FNIP1: variants seen among roughly 807,000 people sequenced by gnomAD.
FNIP1 encodes the protein folliculin-interacting protein 1.
FNIP1 carries 40 observed loss-of-function variants against 124.5 expected under a neutral mutation model. The observed-to-expected ratio is 0.32, with a 90% CI of 0.25 to 0.42. The LOEUF is 0.42. Ranked by LOEUF, FNIP1 falls within the 10% of genes least tolerant of loss-of-function variation. FNIP1 has a pLI of 1.00. For missense variants in FNIP1, 1,176 were observed against 1,403.7 expected (o/e 0.84, Z 2.59); for synonymous variants, 472 against 470.6 (o/e 1.00, Z -0.04).
rs767708577 is a variant in FNIP1, at chr5:131,672,546, A to G, written c.1898T>C (p.Ile633Thr). Residue 633 changes from isoleucine to threonine, a missense_variant, in exon 14 of 18, where the codon ATT (isoleucine) becomes ACT (threonine). Physicochemically the swap from Ile to Thr is moderately conservative, Grantham distance 89. Coordinates refer to ENST00000510461, the MANE Select transcript of FNIP1 (RefSeq NM_133372.3). Reference sequence around the variant, plus strand: ...TAGCAGCTCCTTAGAGCTGTTTTGAATATCTTCTCTCTCTTGTTGTGAAAT... The same window carrying G: ...TAGCAGCTCCTTAGAGCTGTTTTGAGTATCTTCTCTCTCTTGTTGTGAAAT... Reference protein sequence around the residue: ...ENISQQEREDIQNSSKELLGI... With the variant: ...ENISQQEREDTQNSSKELLGI... The G allele has an allele frequency of 2.5e-6, 4 of 1,613,962 alleles. No individual in the cohort carries two copies. Among genetic ancestry groups the G allele is most frequent in the Admixed American group, 3.3e-5 (2 of 60,012 alleles).
In FNIP1 at chr5:131,777,489, T is replaced by C. The variant is rs779094866; in HGVS notation, c.92+19341A>G. ...CTACTAAGGTAATGTGAGAAGAAAATAGGTGCCCATCTAAAAGGGTCCCAA... is the reference window on the plus strand; with the variant it reads ...CTACTAAGGTAATGTGAGAAGAAAACAGGTGCCCATCTAAAAGGGTCCCAA... On this transcript the variant is annotated intron_variant, in intron 1 of 17. Coordinates refer to ENST00000510461, the MANE Select transcript of FNIP1 (RefSeq NM_133372.3). Among the ~76,000 whole-genome samples, 210 of 151,642 alleles carry C rather than the reference T, an allele frequency of 1.4e-3. 3 individuals carry two copies. Among genetic ancestry groups the C allele is most frequent in the Non-Finnish European group, 7.4e-4 (50 of 67,956 alleles).
At chr5:131,668,791 T>C (rs1767670911) in intron 15 of FNIP1, among the ~76,000 whole-genome samples, 1 of 152,236 alleles carries the variant, frequency 6.6e-6, no homozygotes. Context: ...GGCATGAACA[T>C]AGCCAGAAGC....
At position 131,672,291 on chromosome 5, in the gene FNIP1, G is replaced by C; in HGVS notation, c.2153C>G (p.Thr718Arg). ...TCCTGTGGATCTCATTGCTTTGCCT[G>C]TGTGACTGTCTGAATCCAGCAACTT... is the stretch of plus-strand genomic sequence containing the variant. ...SEKLLDSDSH[T>R]GKAMRSTGMV... The change falls in exon 14 of 18, where the codon ACA (threonine) becomes AGA (arginine). Residue 718 changes from threonine (T) to arginine (R), a missense_variant. Coordinates refer to ENST00000510461, the MANE Select transcript of FNIP1 (RefSeq NM_133372.3). 1 of 1,614,144 alleles carries C rather than the reference G, an allele frequency of 6.2e-7. No homozygotes were observed.
intron 1 of FNIP1, among the ~76,000 whole-genome samples, chr5:131,751,115 T>C (rs958153343): frequency 2.0e-5 from 3 of 152,128 alleles, no homozygotes; most frequent in African/African-American, 7.2e-5. Context: ...AGATCTGCCT[T>C]TCCAGACTCT....
intron 2 of FNIP1, 89 bp from the exon 3 acceptor site, chr5:131,731,127 AAG>A: frequency 8.0e-7 from 1 of 1,252,980 alleles, no homozygotes; most frequent in Non-Finnish European, 1.1e-6. Context: ...TGGAAAAACC[AAG>A]AATGAAATAA....
At chr5:131,650,725 C>A (rs773517006) in intron 16 of FNIP1, among the ~76,000 whole-genome samples, 2 of 152,158 alleles carry the variant, frequency 1.3e-5, no homozygotes, top group Non-Finnish European at 2.9e-5. Context: ...CAGTCTTCCA[C>A]CACTTAGTGT....
chr5:131,731,795 T>C (rs534689587), intron 2 of FNIP1, among the ~76,000 whole-genome samples: 4 of 152,302 alleles, frequency 2.6e-5, no homozygotes, highest in African/African-American at 7.2e-5. Flanking sequence ...TAAAAAATAC[T>C]TATTCATTCA....
chr5:131,734,264 T>C (rs2149552683), intron 2 of FNIP1, among the ~76,000 whole-genome samples: 1 of 152,340 alleles, frequency 6.6e-6, no homozygotes, highest in Non-Finnish European at 1.5e-5. Flanking sequence ...TGTTGATCTT[T>C]TCAAAAAACC....
At chr5:131,743,028 A>G (rs1295877827) in intron 2 of FNIP1, among the ~76,000 whole-genome samples, 1 of 152,204 alleles carries the variant, frequency 6.6e-6, no homozygotes, top group African/African-American at 2.4e-5. Context: ...TTCCCAGTCT[A>G]GTAACAAATA....
chr5:131,678,898 T>C (rs1767989276), intron 12 of FNIP1, 131 bp downstream of exon 12: 1 of 649,372 alleles, frequency 1.5e-6, no homozygotes, highest in Non-Finnish European at 2.5e-6. Flanking sequence ...ATTTAATTAT[T>C]TTTTAGAATT....
At position 131,706,529 on chromosome 5, in the gene FNIP1, G is replaced by C. The variant is rs1317683174; in HGVS notation, c.796C>G (p.Leu266Val). 1 of 1,603,172 alleles carries C rather than the reference G, an allele frequency of 6.2e-7. No individual in the cohort carries two copies. The highest frequency in any genetic ancestry group is 2.2e-5 in the East Asian group (1 of 44,472). Reference sequence around the variant, plus strand: ...TTTGGGGAAGGAAATGGAGTGATCAGCAAGCTGCTGAGAGATGCTGTTAAG... The same window carrying C: ...TTTGGGGAAGGAAATGGAGTGATCACCAAGCTGCTGAGAGATGCTGTTAAG... The part of the protein sequence containing the change: ...IARSASLSSL[L>V]ITPFPSPNSS... Residue 266 changes from leucine to valine, a missense_variant, in exon 9 of 18, where the codon CTG (leucine) becomes GTG (valine). Around this residue, in one of 2 missense-constraint regions of FNIP1, gnomAD observed 1,109 missense variants for 1,288.5 expected, o/e 0.86. Transcript: ENST00000510461.
chr5:131,757,203 G>A (rs2149569781), intron 1 of FNIP1, among the ~76,000 whole-genome samples: 1 of 152,298 alleles, frequency 6.6e-6, no homozygotes, highest in Non-Finnish European at 1.5e-5. Context: ...TGAAGTTGTG[G>A]TCAGAATGGG....
chr5:131,671,007 T>C (rs575102078), intron 14 of FNIP1, among the ~76,000 whole-genome samples: 1 of 152,330 alleles, frequency 6.6e-6, no homozygotes, highest in East Asian at 1.9e-4. Context: ...AATCAGATTA[T>C]GAAAACAATC....
At chr5:131,793,142 C>CCA (rs1256067673) in intron 1 of FNIP1, among the ~76,000 whole-genome samples, 1 of 152,136 alleles carries the variant, frequency 6.6e-6, no homozygotes, top group East Asian at 1.9e-4. Context: ...AAGCAACCTC[C>CCA]CACCTCAGCA....
At chr5:131,717,787 T>G (rs757614012) in intron 5 of FNIP1, among the ~76,000 whole-genome samples, 3 of 152,148 alleles carry the variant, frequency 2.0e-5, no homozygotes, top group Admixed American at 2.0e-4. Context: ...GATTCCAACA[T>G]GGAATCTTTA....
In FNIP1 at chr5:131,644,528, C is replaced by T. The variant is rs753547651; in HGVS notation, c.*157G>A. The T allele has an allele frequency of 1.7e-4, 90 of 520,154 alleles. No homozygotes were observed. Among genetic ancestry groups the T allele is most frequent in the Non-Finnish European group, 2.8e-4 (83 of 301,090 alleles). The allele number at this position is 520,154 out of a possible 1,614,324, so 32.2% of individuals were successfully genotyped here. A position where few individuals can be genotyped will look rare whatever the true frequency, so the allele number is the denominator to read the frequency against. ...CAGTCAAAAAGAAAAAGCCATCTGA[C>T]ATACACAGAATATACAATGCTATGC... On this transcript the variant is annotated 3_prime_UTR_variant, in exon 18 of 18. Coordinates refer to ENST00000510461, the MANE Select transcript of FNIP1 (RefSeq NM_133372.3).
intron 15 of FNIP1, among the ~76,000 whole-genome samples, chr5:131,657,895 G>T (rs907233927): frequency 6.6e-6 from 1 of 151,856 alleles, no homozygotes; most frequent in African/African-American, 2.4e-5. Flanking sequence ...AAAAAAATTA[G>T]CCGGGTGTGG....
chr5:131,704,467 C>T (rs566244528), intron 9 of FNIP1, among the ~76,000 whole-genome samples: 1 of 152,210 alleles, frequency 6.6e-6, no homozygotes, highest in African/African-American at 2.4e-5. Flanking sequence ...AATTTTACTA[C>T]AGAGTCAGAT....
chr5:131,763,798 A>G (rs1771323784), intron 1 of FNIP1, among the ~76,000 whole-genome samples: 1 of 152,198 alleles, frequency 6.6e-6, no homozygotes, highest in Non-Finnish European at 1.5e-5. Flanking sequence ...TGACTTTTCC[A>G]TTAATATGCA....
Sources: allele counts gnomAD v4.1 joint callset (sites outside exome capture counted in the v4.1 genomes callset), GRCh38; gene constraint gnomAD v4.1.1; regional missense constraint gnomAD v4.1.1; transcripts MANE v1.5; gene names NCBI Gene and HGNC (gene_info 2026-07-23, HGNC 2026-07-21).